Variants in CCDC38 observed in about 807,000 individuals in gnomAD.
CCDC38 encodes coiled-coil domain containing 38, also known as coiled-coil domain-containing protein 38.
CCDC38 carries 69 observed loss-of-function variants against 72.8 expected under a neutral mutation model. The observed-to-expected ratio is 0.95, with a 90% CI of 0.78 to 1.16. The LOEUF (loss-of-function observed/expected upper bound fraction) is 1.16, where lower values mean the gene tolerates loss of function less well. CCDC38 is among the 50% of genes most tolerant of loss of function. CCDC38 has a pLI of 0.00. For synonymous variants in CCDC38, 201 were observed against 213.2 expected, an observed-to-expected ratio of 0.94 and a Z score of 0.50; for missense variants, 626 against 638.9, an observed-to-expected ratio of 0.98 and a Z score of 0.22.
intron 4 of CCDC38, among the ~76,000 whole-genome samples, chr12:95,916,842 T>C (rs2080149752): frequency 6.6e-6 from 1 of 152,154 alleles, no homozygotes; most frequent in Admixed American, 6.5e-5. Context: ...GCCAGAGCTA[T>C]TACCTTTACA....
intron 15 of CCDC38, among the ~76,000 whole-genome samples, chr12:95,868,974 C>T (rs2079552620): frequency 6.6e-6 from 1 of 152,158 alleles, no homozygotes; most frequent in South Asian, 2.1e-4. Flanking sequence ...TCTCTGGGTT[C>T]ACATCTCCAA....
chr12:95,911,288 C>A (rs2080091812), intron 4 of CCDC38, among the ~76,000 whole-genome samples: 1 of 152,016 alleles, frequency 6.6e-6, no homozygotes, highest in South Asian at 2.1e-4. Context: ...AAAAAGAAAT[C>A]CCAAAAGAAA....
chr12:95,928,525 T>C (rs1264355088), intron 2 of CCDC38, among the ~76,000 whole-genome samples: 1 of 152,238 alleles, frequency 6.6e-6, no homozygotes, highest in Non-Finnish European at 1.5e-5. Flanking sequence ...ATCTGAAGCC[T>C]TCTTCTCTCA....
intron 9 of CCDC38, 83 bp from the exon 10 acceptor site, chr12:95,888,589 G>T: frequency 8.0e-7 from 1 of 1,249,994 alleles, no homozygotes; most frequent in Non-Finnish European, 1.2e-6. Flanking sequence ...ATGAGCCCGT[G>T]CACTTGGTGC....
At chr12:95,878,133 T>C in intron 13 of CCDC38, 78 bp downstream of exon 13, 1 of 1,504,120 alleles carries the variant, frequency 6.6e-7, no homozygotes, top group Non-Finnish European at 9.1e-7. Context: ...ACTCTCCTAT[T>C]CACATACTTA....
intron 15 of CCDC38, among the ~76,000 whole-genome samples, chr12:95,868,926 T>C (rs560618418): frequency 1.3e-5 from 2 of 152,328 alleles, no homozygotes; most frequent in East Asian, 1.9e-4. Flanking sequence ...GTCTTTACAA[T>C]GTGGGGATTA....
At chr12:95,894,121 A>G (rs1220404721) in intron 8 of CCDC38, among the ~76,000 whole-genome samples, 1 of 152,276 alleles carries the variant, frequency 6.6e-6, no homozygotes, top group South Asian at 2.1e-4. Context: ...CAGGAGGCTG[A>G]GGCAGGAGAA....
intron 4 of CCDC38, 35 bp from the exon 5 acceptor site, chr12:95,906,486 TCATCATCCTTAAAAATGCTG>T (rs763208354): frequency 2.8e-6 from 4 of 1,409,864 alleles, no homozygotes; most frequent in Non-Finnish European, 4.0e-6. Context: ...TAAGTTTAGT[TCATCATCCTTAAAAATGCTG>T]TATAAAATAA....
intron 9 of CCDC38, 129 bp from the exon 10 acceptor site, chr12:95,888,635 CTTCT>C (rs2079787130): frequency 1.4e-6 from 1 of 714,356 alleles, no homozygotes; most frequent in South Asian, 1.8e-5. Context: ...ATGCCCATTA[CTTCT>C]TTCTTTTTTT....
intron 3 of CCDC38, among the ~76,000 whole-genome samples, chr12:95,917,708 C>T (rs1433140669): frequency 6.7e-6 from 1 of 149,296 alleles, no homozygotes; most frequent in Non-Finnish European, 1.5e-5. Flanking sequence ...CCCCTCTCTA[C>T]TAAAAATACA....
intron 14 of CCDC38, among the ~76,000 whole-genome samples, chr12:95,870,883 G>T (rs2079573879): frequency 6.6e-6 from 1 of 152,172 alleles, no homozygotes; most frequent in African/African-American, 2.4e-5. Flanking sequence ...CGCCAAGCAT[G>T]CTCTCATAAT....
At chr12:95,906,595 G>T in intron 4 of CCDC38, 144 bp from the exon 5 acceptor site, 6 of 586,552 alleles carry the variant, frequency 1.0e-5, no homozygotes, top group South Asian at 2.6e-5. Flanking sequence ...CCTTTTCCTA[G>T]CCACTCAAAC....
intron 4 of CCDC38, among the ~76,000 whole-genome samples, chr12:95,916,204 A>G (rs1243097599): frequency 6.6e-6 from 1 of 152,160 alleles, no homozygotes; most frequent in East Asian, 1.9e-4. Flanking sequence ...ATACAATTAT[A>G]TATGCACTTG....
chr12:95,867,921 G>C (rs1240689964), intron 15 of CCDC38, among the ~76,000 whole-genome samples: 1 of 152,082 alleles, frequency 6.6e-6, no homozygotes, highest in African/African-American at 2.4e-5. Flanking sequence ...GACATTGTAG[G>C]ACAATTCTTA....
At chr12:95,886,058 AAAAC>A (rs57668034) in intron 10 of CCDC38, among the ~76,000 whole-genome samples, 15 of 151,568 alleles carry the variant, frequency 9.9e-5, no homozygotes, top group Admixed American at 5.3e-4. Flanking sequence ...GCCTATACTA[AAAAC>A]AAACAAACAA....
intron 5 of CCDC38, among the ~76,000 whole-genome samples, chr12:95,899,089 T>C (rs920618997): frequency 3.3e-5 from 5 of 152,156 alleles, no homozygotes; most frequent in African/African-American, 9.7e-5. Flanking sequence ...TCACAAAAGC[T>C]ACCAGCTTCT....
intron 4 of CCDC38, among the ~76,000 whole-genome samples, chr12:95,915,123 A>G (rs2080131515): frequency 6.6e-6 from 1 of 152,202 alleles, no homozygotes; most frequent in South Asian, 2.1e-4. Context: ...TTACTTTGAC[A>G]TGGTACTCTC....
At chr12:95,893,416 TCCC>T (rs1565949922) in intron 8 of CCDC38, among the ~76,000 whole-genome samples, 1 of 33,366 alleles carries the variant, frequency 3.0e-5, no homozygotes, top group East Asian at 1.3e-3. Context: ...CTTCCCTCCC[TCCC>T]TCCCTCCCTC....
At chr12:95,896,771 C>G (rs1291186223) in intron 7 of CCDC38, 1 of 152,202 alleles carries the variant, frequency 6.6e-6, no homozygotes, top group Non-Finnish European at 1.5e-5. Context: ...AGAAGAGCAC[C>G]TGCTGCCCTT....
Sources: gnomAD v4.1 joint callset for allele counts (sites outside exome capture counted in the v4.1 genomes callset) on GRCh38, gnomAD v4.1.1 for gene constraint, MANE v1.5 for transcripts, NCBI Gene and HGNC (gene_info 2026-07-23, HGNC 2026-07-21) for gene names.